Variants in FGD6 observed in about 807,000 individuals in gnomAD.
FGD6 encodes the protein FYVE, RhoGEF and PH domain containing 6, also known as FYVE, RhoGEF and PH domain-containing protein 6.
FGD6 carries 90 observed loss-of-function variants against 149.4 expected under a neutral mutation model. The ratio of observed to expected loss-of-function variants is 0.60; its 90% CI spans 0.51 to 0.72. FGD6 has a LOEUF of 0.72. Among genes scored for constraint, FGD6 ranks in the 30% least tolerant of loss-of-function variants. FGD6 has a pLI of 0.00. For missense variants in FGD6, 1,437 were observed against 1,684.8 expected (o/e 0.85, Z 2.57); for synonymous variants, 527 against 584.0 (o/e 0.90, Z 1.41).
chr12:95,172,039 G>GC (rs66683353), intron 3 of FGD6, among the ~76,000 whole-genome samples: 1 of 56,962 alleles, frequency 1.8e-5, no homozygotes, highest in Non-Finnish European at 3.4e-5. Context: ...ATTCTAAGGG[G>GC]GGGGGGGTTG....
intron 5 of FGD6, among the ~76,000 whole-genome samples, chr12:95,145,269 G>A (rs1007199369): frequency 2.0e-5 from 3 of 152,130 alleles, no homozygotes; most frequent in Non-Finnish European, 4.4e-5. Context: ...GATTACAGGC[G>A]TGAGCCATTG....
In FGD6 at chr12:95,094,668, A is replaced by G. The variant is rs1207345127; in HGVS notation, c.3524T>C (p.Leu1175Pro). Residue 1175 changes from leucine (L) to proline (P), a missense_variant, in exon 15 of 21, where the codon CTA becomes CCA. Physicochemically the swap from Leu to Pro is moderately conservative, Grantham distance 98. Transcript: ENST00000343958. ...TTCTATTGCCCTGGAAATCGCTTCT[A>G]GCCATTCATCCCTTTCTGTGGCAGA... ...ASSATERDEWLEAISRAIEEY... is the reference protein window; with the variant it reads ...ASSATERDEWPEAISRAIEEY... 6.2e-7 allele frequency: 1 copy of G among 1,613,736 alleles called. No individual in the cohort carries two copies. Among genetic ancestry groups the G allele is most frequent in the Non-Finnish European group, 8.5e-7 (1 of 1,179,922 alleles).
chr12:95,172,533 T>C lies in FGD6; in HGVS notation c.2586+67A>G, dbSNP rs925688705. 9.5e-6 allele frequency: 13 copies of C among 1,363,734 alleles called. No homozygotes were observed. The East Asian group carries it at 1.9e-4, about 20-fold the overall frequency. 84.5% of individuals were successfully genotyped at this position (1,363,734 alleles called of 1,614,324 possible). On this transcript the variant is annotated intron_variant, in intron 3 of 20. Coordinates refer to ENST00000343958, the MANE Select transcript of FGD6 (RefSeq NM_018351.4). ...AAACTCACAAGGGTTTCTGTGCCTA[T>C]TATGCAGACAAATATCATTCCCAAG...
chr12:95,107,756 G>T, intron 11 of FGD6, 125 bp from the exon 12 acceptor site: 1 of 915,890 alleles, frequency 1.1e-6, no homozygotes, highest in Non-Finnish European at 1.7e-6. Context: ...CAGTTTCCTT[G>T]AGATTTTTTA....
intron 3 of FGD6, among the ~76,000 whole-genome samples, chr12:95,170,014 G>A (rs554600767): frequency 6.2e-4 from 94 of 151,858 alleles, no homozygotes; most frequent in African/African-American, 2.2e-3. Flanking sequence ...CCAGCTACTC[G>A]GGAGGCTGAG....
intron 3 of FGD6, among the ~76,000 whole-genome samples, chr12:95,168,731 A>G (rs1303223383): frequency 6.6e-6 from 1 of 152,156 alleles, no homozygotes. Flanking sequence ...GCTCTGTTCT[A>G]AACAGTGTAT....
chr12:95,211,223 C>T lies in FGD6; in HGVS notation c.61G>A (p.Ala21Thr). Residue 21 changes from alanine to threonine, a missense_variant, in exon 2 of 21, where the codon GCA becomes ACA. Around this residue, in one of 2 missense-constraint regions of FGD6, gnomAD observed 1,055 missense variants for 1,146.0 expected, o/e 0.92. Coordinates refer to ENST00000343958, the MANE Select transcript of FGD6 (RefSeq NM_018351.4). ...PVAPKPKFVV[A>T]NNKPAPPPIA... ...GGAGGTGGGGCTGGCTTATTATTTG[C>T]CACAACAAACTTGGGCTTGGGGGCC... 1 of 1,606,624 alleles carries T rather than the reference C, an allele frequency of 6.2e-7. No homozygotes were observed. The highest frequency in any genetic ancestry group is 8.5e-7 in the Non-Finnish European group (1 of 1,177,878).
At chr12:95,100,948 A>G in intron 14 of FGD6, 1 of 372,296 alleles carries the variant, frequency 2.7e-6, no homozygotes, top group Non-Finnish European at 5.2e-6. Flanking sequence ...CCCAGCTACC[A>G]CTGGCAGGAA....
At chr12:95,129,648 G>C (rs1315932140) in intron 8 of FGD6, among the ~76,000 whole-genome samples, 1 of 152,048 alleles carries the variant, frequency 6.6e-6, no homozygotes, top group African/African-American at 2.4e-5. Context: ...CTGATAAACT[G>C]GCCTTGAGTA....
intron 8 of FGD6, among the ~76,000 whole-genome samples, chr12:95,133,449 T>G (rs1879581262): frequency 6.6e-6 from 1 of 152,172 alleles, no homozygotes; most frequent in East Asian, 1.9e-4. Context: ...AGGCAAGCTT[T>G]GAAGTGCTGA....
intron 2 of FGD6, among the ~76,000 whole-genome samples, chr12:95,180,079 CA>C (rs148087005): frequency 7.5e-4 from 104 of 138,622 alleles, no homozygotes; most frequent in Middle Eastern, 3.7e-3. Flanking sequence ...ACTCTGCCTC[CA>C]AAAAAAAAAA....
chr12:95,126,414 A>C, intron 8 of FGD6: 2 of 1,239,754 alleles, frequency 1.6e-6, no homozygotes, highest in South Asian at 1.6e-5. Flanking sequence ...AAAAACAATA[A>C]AGGTTCTTTA....
chr12:95,112,839 G>T (rs1220021326), intron 9 of FGD6, among the ~76,000 whole-genome samples: 3 of 152,148 alleles, frequency 2.0e-5, no homozygotes, highest in Non-Finnish European at 2.9e-5. Context: ...TAGGGCTGAG[G>T]GAAGGCTAAT....
chr12:95,208,766 CT>C, intron 2 of FGD6, 76 bp downstream of exon 2: 1 of 1,496,972 alleles, frequency 6.7e-7, no homozygotes, highest in Non-Finnish European at 8.9e-7. Context: ...TTTTTTCCCC[CT>C]GCATTCCTAA....
chr12:95,116,495 G>T (rs1879019302), intron 8 of FGD6, among the ~76,000 whole-genome samples: 2 of 152,164 alleles, frequency 1.3e-5, no homozygotes, highest in Admixed American at 1.3e-4. Flanking sequence ...CTCCCCAGAA[G>T]ATGTCCATAT....
At chr12:95,100,845 C>T in intron 14 of FGD6, 1 of 388,692 alleles carries the variant, frequency 2.6e-6, no homozygotes, top group Non-Finnish European at 5.0e-6. Context: ...TCTTGTTGGG[C>T]ATGCTGGATC....
chr12:95,108,633 T>C, intron 9 of FGD6, 72 bp from the exon 10 acceptor site: 2 of 1,549,196 alleles, frequency 1.3e-6, no homozygotes, highest in Non-Finnish European at 8.9e-7. Flanking sequence ...CATTAAGCAA[T>C]TCCAGGGGAC....
intron 2 of FGD6, among the ~76,000 whole-genome samples, chr12:95,187,943 T>C (rs771338513): frequency 2.6e-5 from 4 of 152,222 alleles, no homozygotes; most frequent in Non-Finnish European, 5.9e-5. Context: ...TTTAGTCACA[T>C]ATAATGACGA....
intron 5 of FGD6, among the ~76,000 whole-genome samples, chr12:95,149,231 T>TAGCAC (rs1880190015): frequency 1.7e-5 from 1 of 59,598 alleles, no homozygotes; most frequent in African/African-American, 9.0e-5. Context: ...ATATAGCATA[T>TAGCAC]ATATTATATA....
Sources: gnomAD v4.1 joint callset for allele counts (sites outside exome capture counted in the v4.1 genomes callset) on GRCh38, gnomAD v4.1.1 for gene constraint, gnomAD v4.1.1 regional missense constraint, MANE v1.5 for transcripts, NCBI Gene and HGNC (gene_info 2026-07-23, HGNC 2026-07-21) for gene names.